The following GDAP1L1 variants were observed in gnomAD, a reference collection of about 807,000 sequenced individuals.
GDAP1L1 encodes the protein ganglioside-induced differentiation-associated protein 1-like 1.
Under a neutral mutation model 37.1 loss-of-function variants are expected in GDAP1L1, and 21 were observed. That is an observed-to-expected ratio of 0.57 (90% CI 0.40 to 0.81). The LOEUF is 0.81. Ranked by LOEUF, GDAP1L1 falls within the 40% of genes least tolerant of loss-of-function variation. The pLI, the probability that GDAP1L1 is intolerant of heterozygous loss-of-function variation, is 0.00. For synonymous variants in GDAP1L1, 193 were observed against 209.1 expected (o/e 0.92, Z 0.67); for missense variants, 362 against 491.6 (o/e 0.74, Z 2.49).
chr20:44,263,709 T>C (rs1242299009), intron 4 of GDAP1L1, among the ~76,000 whole-genome samples: 1 of 152,158 alleles, frequency 6.6e-6, no homozygotes, highest in African/African-American at 2.4e-5. Context: ...CCGGGCATCA[T>C]GGCGGATGCC....
chr20:44,252,326 A>G (rs1229669308), intron 1 of GDAP1L1, among the ~76,000 whole-genome samples: 1 of 152,172 alleles, frequency 6.6e-6, no homozygotes, highest in Admixed American at 6.5e-5. Flanking sequence ...AGTCTGGCCA[A>G]CAGGTGAAAC....
chr20:44,261,152 G>A (rs184167255), intron 3 of GDAP1L1, among the ~76,000 whole-genome samples: 134 of 152,360 alleles, frequency 8.8e-4, no homozygotes, highest in Non-Finnish European at 1.5e-3. Context: ...CCAGCTGGGG[G>A]ATGAGAGGAG....
chr20:44,261,860 A>C (rs1460856389), intron 3 of GDAP1L1, among the ~76,000 whole-genome samples: 1 of 152,190 alleles, frequency 6.6e-6, no homozygotes. Flanking sequence ...AGCTGAATCT[A>C]GAAGGAAGCT....
chr20:44,249,423 C>T (rs2073397381), intron 1 of GDAP1L1, among the ~76,000 whole-genome samples: 1 of 152,172 alleles, frequency 6.6e-6, no homozygotes, highest in Admixed American at 6.5e-5. Flanking sequence ...TCTGCACATG[C>T]TTGCACGTGC....
intron 1 of GDAP1L1, among the ~76,000 whole-genome samples, chr20:44,256,190 T>C (rs1039465573): frequency 3.9e-5 from 6 of 152,188 alleles, no homozygotes; most frequent in African/African-American, 1.4e-4. Flanking sequence ...GGCTTTAGTT[T>C]TCTCATCAAG....
Position 44,280,026 on chromosome 20 carries a change from AC to A in GDAP1L1, c.*729del. On this transcript the variant is annotated 3_prime_UTR_variant, in exon 6 of 6. Coordinates refer to ENST00000342560, the MANE Select transcript of GDAP1L1 (RefSeq NM_024034.6). ...TCCTCTTCCTACCTTGAGTTTTTCT[AC>A]CCTGTGAGGTGGGACTTTCAGTAAA... 3.0e-6 allele frequency: 1 copy of A among 332,388 alleles called. No homozygotes were observed. The highest frequency in any genetic ancestry group is 5.9e-6 in the Non-Finnish European group (1 of 169,180). The allele number at this position is 332,388 out of a possible 1,614,324, so 20.6% of individuals were successfully genotyped here.
At chr20:44,263,137 T>A in intron 3 of GDAP1L1, 93 bp from the exon 4 acceptor site, 1 of 927,404 alleles carries the variant, frequency 1.1e-6, no homozygotes, top group South Asian at 1.3e-5. Flanking sequence ...CTGACCAGTG[T>A]TTGGATGGGG....
intron 5 of GDAP1L1, among the ~76,000 whole-genome samples, chr20:44,272,282 C>T (rs2062525815): frequency 1.3e-5 from 2 of 152,102 alleles, no homozygotes. Flanking sequence ...CTGCATTGGT[C>T]CGCATCAGCA....
chr20:44,259,425 G>A (rs2073632431), intron 3 of GDAP1L1, among the ~76,000 whole-genome samples: 1 of 152,138 alleles, frequency 6.6e-6, no homozygotes, highest in South Asian at 2.1e-4. Context: ...GGCAGGGTTG[G>A]GGCGGTGTTA....
intron 5 of GDAP1L1, among the ~76,000 whole-genome samples, chr20:44,276,828 T>C (rs2062587726): frequency 6.6e-6 from 1 of 152,092 alleles, no homozygotes. Context: ...AAAATGAGAA[T>C]GTCAAGTAGA....
At chr20:44,254,601 A>G (rs2073504876) in intron 1 of GDAP1L1, among the ~76,000 whole-genome samples, 1 of 152,224 alleles carries the variant, frequency 6.6e-6, no homozygotes, top group Non-Finnish European at 1.5e-5. Context: ...GAGAAAAAGG[A>G]GGCTCAGAAA....
intron 1 of GDAP1L1, among the ~76,000 whole-genome samples, chr20:44,253,649 C>A (rs1406670586): frequency 6.6e-6 from 1 of 152,210 alleles, no homozygotes. Context: ...GTGGTGACCA[C>A]CTAGGTCTGG....
At chr20:44,276,407 A>G (rs1238791751) in intron 5 of GDAP1L1, among the ~76,000 whole-genome samples, 15 of 109,166 alleles carry the variant, frequency 1.4e-4, no homozygotes, top group African/African-American at 5.0e-4. Context: ...GGGAAAGAAA[A>G]AAGAAAAAGA....
At chr20:44,248,287 C>A (rs2073371304) in intron 1 of GDAP1L1, among the ~76,000 whole-genome samples, 1 of 152,224 alleles carries the variant, frequency 6.6e-6, no homozygotes, top group Admixed American at 6.5e-5. Flanking sequence ...CAGACAGGGG[C>A]GCCTCTAGGG....
At chr20:44,259,910 T>C (rs1042608581) in intron 3 of GDAP1L1, among the ~76,000 whole-genome samples, 2 of 152,098 alleles carry the variant, frequency 1.3e-5, no homozygotes, top group African/African-American at 4.8e-5. Context: ...GCTTCTGCCA[T>C]CCCAGGGTCA....
At chr20:44,248,594 A>G (rs112400034) in intron 1 of GDAP1L1, among the ~76,000 whole-genome samples, 4,085 of 152,284 alleles carry the variant, frequency 0.027, 185 homozygotes, top group African/African-American at 0.093. Flanking sequence ...TCCAATCCCA[A>G]CCCCTTCTCA....
chr20:44,261,135 C>G (rs2073666567), intron 3 of GDAP1L1, among the ~76,000 whole-genome samples: 1 of 152,228 alleles, frequency 6.6e-6, no homozygotes, highest in South Asian at 2.1e-4. Context: ...GATCTCAGGG[C>G]TCCAGCCCAG....
At chr20:44,253,774 C>T (rs989933173) in intron 1 of GDAP1L1, among the ~76,000 whole-genome samples, 1 of 152,228 alleles carries the variant, frequency 6.6e-6, no homozygotes, top group Admixed American at 6.5e-5. Context: ...TGGCTCTGGC[C>T]TGTAGCTCAG....
At chr20:44,268,511 T>C (rs1486368617) in intron 5 of GDAP1L1, among the ~76,000 whole-genome samples, 1 of 152,170 alleles carries the variant, frequency 6.6e-6, no homozygotes, top group Admixed American at 6.5e-5. Flanking sequence ...TCATGGAGTT[T>C]GCAGTCTTAC....
Sources: allele counts gnomAD v4.1 joint callset (sites outside exome capture counted in the v4.1 genomes callset), GRCh38; gene constraint gnomAD v4.1.1; transcripts MANE v1.5; gene names NCBI Gene and HGNC (gene_info 2026-07-23, HGNC 2026-07-21).